ZNF431: variants seen among roughly 807,000 people sequenced by gnomAD.
ZNF431 encodes the protein zinc finger protein 431.
Under a neutral mutation model 57.0 loss-of-function variants are expected in ZNF431, and 34 were observed. The observed-to-expected ratio is 0.60, with a 90% CI of 0.45 to 0.79. ZNF431 has a LOEUF of 0.79. Ranked by LOEUF, ZNF431 falls within the 30% of genes least tolerant of loss-of-function variation. The probability of loss-of-function intolerance (pLI) is 0.00; values close to 1 mark genes in which losing one functional copy is unlikely to be tolerated. For synonymous variants in ZNF431, 207 were observed against 220.3 expected (o/e 0.94, Z 0.54); for missense variants, 607 against 667.1 (o/e 0.91, Z 0.99).
chr19:21,181,654 C>T (rs141042785), intron 4 of ZNF431, among the ~76,000 whole-genome samples: 2 of 151,688 alleles, frequency 1.3e-5, no homozygotes, highest in Non-Finnish European at 2.9e-5. Context: ...TTTTCCTTTA[C>T]AATTTCTGTT....
chr19:21,167,629 G>C lies in ZNF431; in HGVS notation c.282G>C (p.Trp94Cys). Residue 94 changes from tryptophan to cysteine, a missense_variant, in exon 4 of 5, where the codon TGG (tryptophan) becomes TGC (cysteine). Trp to Cys is a radical substitution (Grantham distance 215). Coordinates refer to ENST00000311048, the MANE Select transcript of ZNF431 (RefSeq NM_133473.4). Reference protein sequence around the residue: ...VTCLEQEKEPWNMKRHEMVDE... With the variant: ...VTCLEQEKEPCNMKRHEMVDE... The stretch of plus-strand genomic sequence containing the variant: ...GTCTGGAGCAAGAAAAAGAGCCCTG[G>C]AATATGAAGAGACATGAGATGGTGG... 6.3e-7 allele frequency: 1 copy of C among 1,587,970 alleles called. No individual in the cohort carries two copies.
At chr19:21,163,896 C>T (rs1461588643) in intron 2 of ZNF431, among the ~76,000 whole-genome samples, 1 of 151,872 alleles carries the variant, frequency 6.6e-6, no homozygotes, top group African/African-American at 2.4e-5. Context: ...ATTAGGATTA[C>T]ACGGTGAAAT....
At chr19:21,145,317 T>C (rs1235390161) in intron 2 of ZNF431, among the ~76,000 whole-genome samples, 1 of 151,936 alleles carries the variant, frequency 6.6e-6, no homozygotes, top group Admixed American at 6.6e-5. Context: ...CTACTAAAAA[T>C]ACAAAAAAAT....
chr19:21,144,455 C>G (rs1970027726), intron 2 of ZNF431, among the ~76,000 whole-genome samples: 1 of 152,072 alleles, frequency 6.6e-6, no homozygotes, highest in Admixed American at 6.6e-5. Context: ...CTGCCTGCCT[C>G]AGCCTCCTAA....
intron 2 of ZNF431, among the ~76,000 whole-genome samples, chr19:21,143,911 T>C (rs904995322): frequency 1.1e-4 from 17 of 151,628 alleles, no homozygotes; most frequent in East Asian, 7.8e-4. Context: ...AACCTGACTC[T>C]AGTGAGATGG....
Position 21,188,866 on chromosome 19 carries a change from C to T in ZNF431, c.*4832C>T, listed in dbSNP as rs1391848994. The stretch of plus-strand genomic sequence containing the variant: ...ATACCGTTACCATCAGCACCAGAAA[C>T]TCCAGGTGCCCCAAGCTTAAAGTAA... On this transcript the variant is annotated 3_prime_UTR_variant, in exon 5 of 5. Coordinates refer to ENST00000311048, the MANE Select transcript of ZNF431 (RefSeq NM_133473.4). 2 of 152,188 alleles carry T rather than the reference C, an allele frequency of 1.3e-5. No homozygotes were observed. The highest frequency in any genetic ancestry group is 2.9e-5 in the Non-Finnish European group (2 of 68,060). The allele number at this position is 152,188 out of a possible 1,614,324, so 9.4% of individuals were successfully genotyped here. A position where few individuals can be genotyped will look rare whatever the true frequency, so the allele number is the denominator to read the frequency against.
Position 21,188,286 on chromosome 19 carries a change from A to T in ZNF431, c.*4252A>T, listed in dbSNP as rs1243781280. 2 of 146,040 alleles carry T rather than the reference A, an allele frequency of 1.4e-5. No individual in the cohort carries two copies. Among genetic ancestry groups the T allele is most frequent in the Non-Finnish European group, 3.0e-5 (2 of 65,828 alleles). The allele number at this position is 146,040 out of a possible 1,614,324, so 9.0% of individuals were successfully genotyped here. ...AAAAAAAAAAAAAGATAAAAGGTGC[A>T]ATACTGTCCACAGGTAAGATAATTA... On this transcript the variant is annotated 3_prime_UTR_variant, in exon 5 of 5. Coordinates refer to ENST00000311048, the MANE Select transcript of ZNF431 (RefSeq NM_133473.4).
At chr19:21,159,476 G>T (rs530383473) in intron 2 of ZNF431, among the ~76,000 whole-genome samples, 26 of 152,250 alleles carry the variant, frequency 1.7e-4, no homozygotes, top group African/African-American at 6.0e-4. Context: ...GAGCTCAAGT[G>T]ATTCGCCTGC....
intron 2 of ZNF431, among the ~76,000 whole-genome samples, chr19:21,165,347 G>A (rs1970693248): frequency 6.6e-6 from 1 of 152,144 alleles, no homozygotes; most frequent in Non-Finnish European, 1.5e-5. Flanking sequence ...AAATTATTAA[G>A]AGATACCTGC....
At chr19:21,174,487 T>C (rs944746455) in intron 4 of ZNF431, among the ~76,000 whole-genome samples, 3 of 152,176 alleles carry the variant, frequency 2.0e-5, no homozygotes, top group African/African-American at 7.2e-5. Context: ...TTGACCGTTA[T>C]ATAATATCGT....
chr19:21,175,967 T>C (rs1282287969), intron 4 of ZNF431, among the ~76,000 whole-genome samples: 3 of 152,234 alleles, frequency 2.0e-5, no homozygotes, highest in African/African-American at 7.2e-5. Flanking sequence ...GGTCCAATAG[T>C]ATATCTGGTT....
chr19:21,142,324 C>T, intron 1 of ZNF431, 138 bp downstream of exon 1: 3 of 1,192,252 alleles, frequency 2.5e-6, no homozygotes, highest in South Asian at 2.6e-5. Flanking sequence ...CCAGCTCGGC[C>T]TCAGTCCCCT....
At position 21,188,006 on chromosome 19, in the gene ZNF431, C is replaced by T. The variant is rs1971418771; in HGVS notation, c.*3972C>T. On this transcript the variant is annotated 3_prime_UTR_variant, in exon 5 of 5. Transcript: ENST00000311048. The stretch of plus-strand genomic sequence containing the variant: ...GCCAGGTGTGGCTCACGCCTGTAAT[C>T]CCAGCACTGAGATAGGCCAAGGAGG... The T allele has an allele frequency of 6.6e-6, 1 of 152,144 alleles. No homozygotes were observed. Among genetic ancestry groups the T allele is most frequent in the Non-Finnish European group, 1.5e-5 (1 of 68,054 alleles). The allele number at this position is 152,144 out of a possible 1,614,324, so 9.4% of individuals were successfully genotyped here. A position where few individuals can be genotyped will look rare whatever the true frequency, so the allele number is the denominator to read the frequency against.
Position 21,186,407 on chromosome 19 carries a change from G to A in ZNF431, c.*2373G>A, listed in dbSNP as rs999316633. 4.6e-5 allele frequency: 7 copies of A among 152,194 alleles called. No homozygotes were observed. Among genetic ancestry groups the A allele is most frequent in the Non-Finnish European group, 8.8e-5 (6 of 68,044 alleles). The allele number at this position is 152,194 out of a possible 1,614,324, so 9.4% of individuals were successfully genotyped here. ...AGAGTTAAATACATGTTAGTCTAAA[G>A]ACAAATCTTAGGTGTAAGAAAATTA... On this transcript the variant is annotated 3_prime_UTR_variant, in exon 5 of 5. Transcript: ENST00000311048.
At position 21,186,339 on chromosome 19, in the gene ZNF431, G is replaced by C. The variant is rs552416831; in HGVS notation, c.*2305G>C. The C allele has an allele frequency of 1.3e-5, 2 of 152,322 alleles. No individual in the cohort carries two copies. Among genetic ancestry groups the C allele is most frequent in the African/African-American group, 4.8e-5 (2 of 41,572 alleles). 9.4% of individuals were successfully genotyped at this position (152,322 alleles called of 1,614,324 possible). A position where few individuals can be genotyped will look rare whatever the true frequency, so the allele number is the denominator to read the frequency against. On this transcript the variant is annotated 3_prime_UTR_variant, in exon 5 of 5. Transcript: ENST00000311048. Reference sequence around the variant, plus strand: ...ATATTTTTCTTTGAACATGTGGCCTGTCTGCCTGCAAACATATACAGACTT... The same window carrying C: ...ATATTTTTCTTTGAACATGTGGCCTCTCTGCCTGCAAACATATACAGACTT...
chr19:21,181,929 C>A (rs1228864264), intron 4 of ZNF431, among the ~76,000 whole-genome samples: 1 of 152,148 alleles, frequency 6.6e-6, no homozygotes, highest in Non-Finnish European at 1.5e-5. Context: ...TTTGTCCTGG[C>A]ATAGTCTGAA....
chr19:21,144,456 A>G (rs1970027857), intron 2 of ZNF431, among the ~76,000 whole-genome samples: 1 of 152,054 alleles, frequency 6.6e-6, no homozygotes, highest in Admixed American at 6.6e-5. Flanking sequence ...TGCCTGCCTC[A>G]GCCTCCTAAA....
chr19:21,167,688 C>T, intron 4 of ZNF431, 22 bp downstream of exon 4: 1 of 1,471,458 alleles, frequency 6.8e-7, no homozygotes, highest in East Asian at 2.5e-5. Flanking sequence ...TGAAAAAAAA[C>T]AGATGACACA....
intron 1 of ZNF431, among the ~76,000 whole-genome samples, chr19:21,142,716 A>G (rs1969976667): frequency 6.6e-6 from 1 of 152,230 alleles, no homozygotes; most frequent in South Asian, 2.1e-4. Context: ...TATAAAAAGC[A>G]TGATGAAGAA....
Sources: allele counts gnomAD v4.1 joint callset (sites outside exome capture counted in the v4.1 genomes callset), GRCh38; gene constraint gnomAD v4.1.1; transcripts MANE v1.5; gene names NCBI Gene and HGNC (gene_info 2026-07-23, HGNC 2026-07-21).